RAB18: variants seen among roughly 807,000 people sequenced by gnomAD.
RAB18 encodes ras-related protein Rab-18.
RAB18 carries 10 observed loss-of-function variants against 28.5 expected under a neutral mutation model. The ratio of observed to expected loss-of-function variants is 0.35; its 90% CI spans 0.22 to 0.60. The LOEUF (loss-of-function observed/expected upper bound fraction) is 0.60. Ranked by LOEUF, RAB18 falls within the 20% of genes least tolerant of loss-of-function variation. The probability of loss-of-function intolerance (pLI) is 0.78; values close to 1 mark genes in which losing one functional copy is unlikely to be tolerated. For missense variants in RAB18, 188 were observed against 244.2 expected (o/e 0.77, Z 1.53); for synonymous variants, 93 against 86.9 (o/e 1.07, Z -0.39).
chr10:27,510,974 ATTC>A (rs2138973494), intron 2 of RAB18, among the ~76,000 whole-genome samples: 1 of 152,278 alleles, frequency 6.6e-6, no homozygotes, highest in South Asian at 2.1e-4. Flanking sequence ...TACACACAGT[ATTC>A]TTTTTTAAAA....
chr10:27,513,436 G>C (rs114088341), intron 2 of RAB18, among the ~76,000 whole-genome samples: 1 of 152,158 alleles, frequency 6.6e-6, no homozygotes, highest in Non-Finnish European at 1.5e-5. Flanking sequence ...TAGTAGTAAG[G>C]AAAGTGTATT....
chr10:27,535,585 G>A (rs1834877794), intron 6 of RAB18, among the ~76,000 whole-genome samples: 1 of 152,144 alleles, frequency 6.6e-6, no homozygotes. Flanking sequence ...GGTGTGACCT[G>A]ATACTCTAAA....
At chr10:27,515,724 A>T (rs1209720772) in intron 2 of RAB18, among the ~76,000 whole-genome samples, 1 of 151,496 alleles carries the variant, frequency 6.6e-6, no homozygotes, top group African/African-American at 2.4e-5. Context: ...ACAGAGCAAG[A>T]CCTGTCTCAA....
chr10:27,529,696 T>C (rs1834749744), intron 3 of RAB18, among the ~76,000 whole-genome samples: 1 of 152,000 alleles, frequency 6.6e-6, no homozygotes, highest in South Asian at 2.1e-4. Context: ...TGTGCTTCAT[T>C]TATCTTACAA....
At position 27,532,707 on chromosome 10, in the gene RAB18, A is replaced by G. The variant is rs560657223; in HGVS notation, c.259+128A>G. The G allele has an allele frequency of 3.6e-5, 25 of 689,064 alleles. No individual in the cohort carries two copies. The African/African-American group carries it at 4.4e-4, about 12-fold the overall frequency. The allele number at this position is 689,064 out of a possible 1,614,324, so 42.7% of individuals were successfully genotyped here. On this transcript the variant is annotated intron_variant, in intron 4 of 6. Coordinates refer to ENST00000356940, the MANE Select transcript of RAB18 (RefSeq NM_021252.5). ...CTACTTTTATGTAACTTGTAGTTGT[A>G]TTAACTTCATGTAATATTAATGAAT...
At chr10:27,518,127 CTATT>C (rs1331383478) in intron 2 of RAB18, among the ~76,000 whole-genome samples, 1 of 152,100 alleles carries the variant, frequency 6.6e-6, no homozygotes, top group African/African-American at 2.4e-5. Flanking sequence ...GTTGGTTTAT[CTATT>C]CATCAATTGT....
At position 27,541,335 on chromosome 10, in the gene RAB18, C is replaced by G. The variant is rs1313996607; in HGVS notation, c.*3284C>G. 7.2e-6 allele frequency: 3 copies of G among 419,178 alleles called. No homozygotes were observed. The highest frequency in any genetic ancestry group is 2.7e-5 in the Admixed American group (1 of 36,874). 26.0% of individuals were successfully genotyped at this position (419,178 alleles called of 1,614,324 possible). A position where few individuals can be genotyped will look rare whatever the true frequency, so the allele number is the denominator to read the frequency against. ...GACTAGGGGCTAAGGAATATAGAAT[C>G]ACCCAGGTCTTTTTTTTTTTTTTTA... On this transcript the variant is annotated 3_prime_UTR_variant, in exon 7 of 7. Coordinates refer to ENST00000356940, the MANE Select transcript of RAB18 (RefSeq NM_021252.5).
chr10:27,506,163 T>C (rs185394135), intron 1 of RAB18, among the ~76,000 whole-genome samples: 1 of 152,308 alleles, frequency 6.6e-6, no homozygotes, highest in Non-Finnish European at 1.5e-5. Context: ...ATGAAATTAG[T>C]GTTTTTGAAG....
At position 27,538,296 on chromosome 10, in the gene RAB18, A is replaced by C. The variant is rs1403761858; in HGVS notation, c.*245A>C. 1.6e-6 allele frequency: 1 copy of C among 617,228 alleles called. No homozygotes were observed. The highest frequency in any genetic ancestry group is 3.0e-6 in the Non-Finnish European group (1 of 333,576). The allele number at this position is 617,228 out of a possible 1,614,324, so 38.2% of individuals were successfully genotyped here. A position where few individuals can be genotyped will look rare whatever the true frequency, so the allele number is the denominator to read the frequency against. On this transcript the variant is annotated 3_prime_UTR_variant, in exon 7 of 7. Coordinates refer to ENST00000356940, the MANE Select transcript of RAB18 (RefSeq NM_021252.5). The stretch of plus-strand genomic sequence containing the variant: ...TAGGTGTACCTTTATAAGTACATTC[A>C]ATTTTATGATTTACATTTATCATGT...
intron 2 of RAB18, chr10:27,514,134 T>A (rs528701157): frequency 6.6e-6 from 1 of 152,166 alleles, no homozygotes; most frequent in South Asian, 2.1e-4. Context: ...CCTACAAATA[T>A]CAGGTTCTGG....
Position 27,512,084 on chromosome 10 carries a change from C to G in RAB18, c.124+2154C>G, listed in dbSNP as rs140582604. On this transcript the variant is annotated intron_variant, in intron 2 of 6. Transcript: ENST00000356940. ...GAACTACAGCCATGTACCACCATGC[C>G]CAGCTCAGGAGGAGCTCATGTTTGT... 4.0e-3 allele frequency among the ~76,000 whole-genome samples: 608 copies of G among 151,970 alleles called. 4 individuals are homozygous for G. The highest frequency in any genetic ancestry group is 0.014 in the African/African-American group (574 of 41,450).
In RAB18 at chr10:27,535,532, A is replaced by G. The variant is rs117975113; in HGVS notation, c.445+1538A>G. ...GAGAGATGCCATTCAAATGGTAAAG[A>G]GATGGATTGTATTCCAATTGTGGTG... On this transcript the variant is annotated intron_variant, in intron 6 of 6. Coordinates refer to ENST00000356940, the MANE Select transcript of RAB18 (RefSeq NM_021252.5). 2.0e-4 allele frequency among the ~76,000 whole-genome samples: 30 copies of G among 152,302 alleles called. No individual in the cohort carries two copies. The East Asian group carries it at 5.6e-3, about 28-fold the overall frequency.
chr10:27,528,689 C>T (rs1228285541), intron 3 of RAB18, among the ~76,000 whole-genome samples: 2 of 152,028 alleles, frequency 1.3e-5, no homozygotes, highest in Non-Finnish European at 2.9e-5. Flanking sequence ...ACAAAGATTA[C>T]AGCTCTTTGA....
intron 2 of RAB18, among the ~76,000 whole-genome samples, chr10:27,526,433 T>C (rs1444717677): frequency 2.6e-5 from 4 of 152,170 alleles, no homozygotes; most frequent in African/African-American, 9.6e-5. Flanking sequence ...CTCTTAACAG[T>C]AGCATGTGGA....
At chr10:27,530,166 C>T (rs1834757820) in intron 3 of RAB18, among the ~76,000 whole-genome samples, 1 of 151,930 alleles carries the variant, frequency 6.6e-6, no homozygotes, top group Non-Finnish European at 1.5e-5. Flanking sequence ...GATACAGTTT[C>T]CTTATGCAAA....
chr10:27,523,199 G>C (rs1014826179), intron 2 of RAB18, among the ~76,000 whole-genome samples: 1 of 125,664 alleles, frequency 8.0e-6, no homozygotes, highest in Non-Finnish European at 1.7e-5. Context: ...TTTTCTTTTT[G>C]TTTAAAATAT....
intron 4 of RAB18, among the ~76,000 whole-genome samples, chr10:27,533,025 A>G (rs1164643032): frequency 6.6e-6 from 1 of 152,102 alleles, no homozygotes; most frequent in Non-Finnish European, 1.5e-5. Context: ...TAGAAACCAG[A>G]TGTGGATTCT....
intron 2 of RAB18, 151 bp downstream of exon 2, chr10:27,510,081 C>A: frequency 1.5e-6 from 1 of 681,938 alleles, no homozygotes; most frequent in Non-Finnish European, 2.6e-6. Context: ...ATTTTGGTAT[C>A]ATTAAATCTT....
At chr10:27,531,493 G>A (rs184241104) in intron 3 of RAB18, 2 of 1,540,570 alleles carry the variant, frequency 1.3e-6, no homozygotes, top group African/African-American at 1.4e-5. Context: ...GCTAAGTTGA[G>A]GTTTGATACA....
Sources: gnomAD v4.1 joint callset for allele counts (sites outside exome capture counted in the v4.1 genomes callset) on GRCh38, gnomAD v4.1.1 for gene constraint, MANE v1.5 for transcripts, NCBI Gene and HGNC (gene_info 2026-07-23, HGNC 2026-07-21) for gene names.